Variants in MAP3K13 observed in about 807,000 individuals in gnomAD.
MAP3K13 encodes mitogen-activated protein kinase kinase kinase 13, also known as leucine zipper-bearing kinase.
A neutral mutation model predicts 104.0 loss-of-function variants in MAP3K13; 52 were observed. That is an observed-to-expected ratio of 0.50 (90% CI 0.40 to 0.63). The LOEUF (loss-of-function observed/expected upper bound fraction) is 0.63, where lower values mean the gene tolerates loss of function less well. MAP3K13 is among the 20% of genes least tolerant of loss of function. The probability of loss-of-function intolerance (pLI) is 0.00; values close to 1 mark genes in which losing one functional copy is unlikely to be tolerated. For synonymous variants in MAP3K13, 394 were observed against 442.2 expected, an observed-to-expected ratio of 0.89 and a Z score of 1.37; for missense variants, 914 against 1,218.5, an observed-to-expected ratio of 0.75 and a Z score of 3.72.
intron 1 of MAP3K13, among the ~76,000 whole-genome samples, chr3:185,385,447 G>A (rs1205342887): frequency 2.0e-5 from 3 of 152,088 alleles, no homozygotes. Context: ...TGCTGGGATT[G>A]CAGGTGGGAA....
intron 1 of MAP3K13, among the ~76,000 whole-genome samples, chr3:185,392,178 A>AC (rs1385278565): frequency 1.3e-5 from 2 of 152,208 alleles, no homozygotes; most frequent in Non-Finnish European, 2.9e-5. Context: ...TCAAGGATTT[A>AC]CCCCAGATTA....
intron 2 of MAP3K13, among the ~76,000 whole-genome samples, chr3:185,354,037 T>C (rs1723245914): frequency 6.6e-6 from 1 of 152,128 alleles, no homozygotes; most frequent in Admixed American, 6.6e-5. Flanking sequence ...AGGACAAGCC[T>C]TTATTCCCTT....
At chr3:185,356,045 A>G (rs780253930) in intron 2 of MAP3K13, among the ~76,000 whole-genome samples, 8 of 152,200 alleles carry the variant, frequency 5.3e-5, no homozygotes, top group African/African-American at 1.4e-4. Context: ...AAACGGTAAA[A>G]AGATTTCTGT....
Position 185,447,956 on chromosome 3 carries a change from C to T in MAP3K13, c.1010+9C>T, listed in dbSNP as rs372354700. ...GAAAAAGTTGATATATGGTGAGTGG[C>T]GCCACCAGTTGTGCCAACTAAAAAG... On this transcript the variant is annotated intron_variant, in intron 5 of 13. Transcript: ENST00000265026. 165 of 1,598,482 alleles carry T rather than the reference C, an allele frequency of 1.0e-4. 2 individuals carry two copies. The Admixed American group carries it at 1.6e-3, about 16-fold the overall frequency.
rs1713877637 is a variant in MAP3K13, at chr3:185,417,883, T to C, written c.-85-10614T>C. 5.0e-6 allele frequency: 8 copies of C among 1,604,406 alleles called. No individual in the cohort carries two copies. In the Admixed American group the frequency reaches 1.2e-4, roughly 23 times the overall value. ...CTTGCGTGGTGCTCAAAGGGCTCTT[T>C]GGATCTCTGGGCTTTTCAAGATTCT... is the stretch of plus-strand genomic sequence containing the variant. On this transcript the variant is annotated intron_variant, in intron 1 of 13. Transcript: ENST00000265026.
chr3:185,389,178 C>T (rs895298639), intron 1 of MAP3K13, among the ~76,000 whole-genome samples: 1 of 152,158 alleles, frequency 6.6e-6, no homozygotes, highest in Non-Finnish European at 1.5e-5. Flanking sequence ...ACTATGAGCA[C>T]CATGCTTTGT....
intron 1 of MAP3K13, among the ~76,000 whole-genome samples, chr3:185,389,795 TGTTA>T (rs959532427): frequency 2.4e-4 from 21 of 86,276 alleles, no homozygotes; most frequent in Non-Finnish European, 5.1e-4. Context: ...ACAAAAAATT[TGTTA>T]AGTATTTATT....
chr3:185,480,965 G>A (rs1350455829), intron 13 of MAP3K13, among the ~76,000 whole-genome samples: 2 of 152,088 alleles, frequency 1.3e-5, no homozygotes, highest in East Asian at 1.9e-4. Flanking sequence ...CCCCAACATT[G>A]GGAATTGCAA....
At chr3:185,446,233 CTATT>C (rs1215569264) in intron 4 of MAP3K13, among the ~76,000 whole-genome samples, 1 of 151,564 alleles carries the variant, frequency 6.6e-6, no homozygotes, top group Non-Finnish European at 1.5e-5. Context: ...AATTCTGATA[CTATT>C]TGAGGATGAA....
intron 4 of MAP3K13, 154 bp downstream of exon 4, chr3:185,443,790 T>C: frequency 3.2e-6 from 2 of 625,238 alleles, no homozygotes; most frequent in Non-Finnish European, 2.8e-6. Flanking sequence ...CTTGGGTTAT[T>C]GTTGACCTAC....
intron 2 of MAP3K13, among the ~76,000 whole-genome samples, chr3:185,322,533 T>C (rs193171657): frequency 7.8e-4 from 119 of 152,360 alleles, no homozygotes; most frequent in African/African-American, 2.7e-3. Flanking sequence ...TTACCCTGTG[T>C]TTATATTTCA....
At position 185,473,330 on chromosome 3, in the gene MAP3K13, G is replaced by T; in HGVS notation, c.1999G>T (p.Ala667Ser). Reference protein sequence around the residue: ...NMHGQDIATCANNLRYFGPAA... With the variant: ...NMHGQDIATCSNNLRYFGPAA... ...GCACGGACAGGACATAGCAACCTGC[G>T]CCAACAACCTGAGGTATTTCGGCCC... Residue 667 changes from alanine (A) to serine (S), a missense_variant, in exon 11 of 14, where the codon GCC becomes TCC. Physicochemically the swap from Ala to Ser is moderately conservative, Grantham distance 99 (BLOSUM62 1). Around this residue, in one of 3 missense-constraint regions of MAP3K13, gnomAD observed 583 missense variants for 737.4 expected, o/e 0.79. Coordinates refer to ENST00000265026, the MANE Select transcript of MAP3K13 (RefSeq NM_004721.5). This position sits in a 1 kb window ranked among gnomAD's most constrained non-coding sequence, Gnocchi z 4.9. 2 of 1,614,140 alleles carry T rather than the reference G, an allele frequency of 1.2e-6. No individual in the cohort carries two copies. The highest frequency in any genetic ancestry group is 1.7e-6 in the Non-Finnish European group (2 of 1,180,034).
At chr3:185,304,943 C>T (rs1415070297) in intron 2 of MAP3K13, among the ~76,000 whole-genome samples, 1 of 152,086 alleles carries the variant, frequency 6.6e-6, no homozygotes, top group African/African-American at 2.4e-5. Flanking sequence ...CCCCTGTTCT[C>T]TTTTGGTTAT....
intron 1 of MAP3K13, among the ~76,000 whole-genome samples, chr3:185,389,301 G>A (rs971176870): frequency 2.6e-5 from 4 of 152,142 alleles, no homozygotes; most frequent in Non-Finnish European, 5.9e-5. Flanking sequence ...TTGAGTCTTA[G>A]TATTTCCATT....
Position 185,437,678 on chromosome 3 carries a change from C to T in MAP3K13, c.659+48C>T, listed in dbSNP as rs1203705171. The T allele has an allele frequency of 3.3e-6, 5 of 1,512,394 alleles. No homozygotes were observed. In the Admixed American group the frequency reaches 8.3e-5, roughly 25 times the overall value. 93.7% of individuals were successfully genotyped at this position (1,512,394 alleles called of 1,614,324 possible). On this transcript the variant is annotated intron_variant, in intron 3 of 13. Coordinates refer to ENST00000265026, the MANE Select transcript of MAP3K13 (RefSeq NM_004721.5). Reference sequence around the variant, plus strand: ...TAAGAAGTAGACCTATTTTCTTTCCCCCAATATATACACACAAGTTTCTGC... The same window carrying T: ...TAAGAAGTAGACCTATTTTCTTTCCTCCAATATATACACACAAGTTTCTGC...
chr3:185,363,433 G>A, intron 1 of MAP3K13, 65 bp downstream of exon 1: 1 of 835,716 alleles, frequency 1.2e-6, no homozygotes, highest in Non-Finnish European at 1.4e-6. Context: ...GACAGAGAAT[G>A]TGTGATTTGA....
chr3:185,308,057 G>A (rs1163857974), intron 2 of MAP3K13, among the ~76,000 whole-genome samples: 4 of 97,426 alleles, frequency 4.1e-5, no homozygotes, highest in Admixed American at 1.3e-4. Context: ...TCCCTTGGTC[G>A]GGCCCTTATT....
upstream of MAP3K13, among the ~76,000 whole-genome samples, chr3:185,360,799 A>G (rs1723572142): frequency 6.7e-6 from 1 of 149,004 alleles, no homozygotes; most frequent in Non-Finnish European, 1.5e-5. Flanking sequence ...TTACAGAAAA[A>G]CTTCTACAAC....
At chr3:185,285,669 T>C (rs546481936) in intron 2 of MAP3K13, 1 of 1,528,540 alleles carries the variant, frequency 6.5e-7, no homozygotes, top group Non-Finnish European at 8.8e-7. Flanking sequence ...TGTTTTATGT[T>C]TGGTGAGATG....
Sources: allele counts gnomAD v4.1 joint callset (sites outside exome capture counted in the v4.1 genomes callset), GRCh38; gene constraint gnomAD v4.1.1; regional missense constraint gnomAD v4.1.1; non-coding constraint Gnocchi (gnomAD v3.1); transcripts MANE v1.5; gene names NCBI Gene and HGNC (gene_info 2026-07-23, HGNC 2026-07-21).